EPHB1: variants seen among roughly 807,000 people sequenced by gnomAD.
The protein encoded by EPHB1 is ephrin type-B receptor 1.
Under a neutral mutation model 94.4 loss-of-function variants are expected in EPHB1, and 30 were observed. The ratio of observed to expected loss-of-function variants is 0.32; its 90% CI spans 0.24 to 0.43. EPHB1 has a LOEUF of 0.43. Ranked by LOEUF, EPHB1 falls within the 20% of genes least tolerant of loss-of-function variation. The pLI is 1.00. For missense variants in EPHB1, 1,055 were observed against 1,308.3 expected, an observed-to-expected ratio of 0.81 and a Z score of 2.99; for synonymous variants, 522 against 489.1, an observed-to-expected ratio of 1.07 and a Z score of -0.89.
rs917131824 is a variant in EPHB1, at chr3:135,214,594, G to A, written c.2346+12905G>A. Among the ~76,000 whole-genome samples the A allele has an allele frequency of 1.1e-4, 17 of 152,290 alleles. 1 individual carries two copies. The South Asian group carries it at 1.7e-3, about 15-fold the overall frequency. On this transcript the variant is annotated intron_variant, in intron 12 of 15. Transcript: ENST00000398015. ...CGAATTTCAGTCATCCCAGGTCATG[G>A]TGTAGGCAGCACCCTCATCTCACCA...
At chr3:135,113,601 A>T (rs185634940) in intron 4 of EPHB1, among the ~76,000 whole-genome samples, 1 of 152,100 alleles carries the variant, frequency 6.6e-6, no homozygotes, top group African/African-American at 2.4e-5. Context: ...GGGCAGCGTC[A>T]CTCCATTGCC....
chr3:134,968,280 A>T (rs1259703084), intron 3 of EPHB1, among the ~76,000 whole-genome samples: 1 of 152,214 alleles, frequency 6.6e-6, no homozygotes, highest in Non-Finnish European at 1.5e-5. Flanking sequence ...ATGGATGTTG[A>T]TGTCAACATT....
chr3:134,888,878 T>C (rs2037911109), intron 1 of EPHB1, among the ~76,000 whole-genome samples: 1 of 151,936 alleles, frequency 6.6e-6, no homozygotes, highest in Admixed American at 6.6e-5. Flanking sequence ...CAATCTCTGC[T>C]CTCCTGGAGC....
At chr3:135,125,603 T>G (rs527737865) in intron 4 of EPHB1, among the ~76,000 whole-genome samples, 4 of 152,234 alleles carry the variant, frequency 2.6e-5, no homozygotes, top group Admixed American at 6.5e-5. Flanking sequence ...AGGTTTGGTG[T>G]TGTTTTCTTT....
chr3:135,201,233 GAAAGA>G (rs1381515521), intron 11 of EPHB1, among the ~76,000 whole-genome samples: 1 of 151,960 alleles, frequency 6.6e-6, no homozygotes, highest in African/African-American at 2.4e-5. Context: ...AGTGGAGATG[GAAAGA>G]AGTGAATGGG....
At chr3:134,840,226 G>A (rs764537410) in intron 1 of EPHB1, among the ~76,000 whole-genome samples, 1 of 152,170 alleles carries the variant, frequency 6.6e-6, no homozygotes, top group Non-Finnish European at 1.5e-5. Flanking sequence ...GCCTGTAGTA[G>A]ACAATGTTAA....
At chr3:134,910,727 G>C (rs36213) in intron 1 of EPHB1, among the ~76,000 whole-genome samples, 97,660 of 152,072 alleles carry the variant, frequency 0.64, 33,825 homozygotes, top group African/African-American at 0.9. Context: ...TGGGCATCTT[G>C]CCATTGACCC....
chr3:135,069,599 G>T (rs1187766087), intron 3 of EPHB1, among the ~76,000 whole-genome samples: 1 of 152,104 alleles, frequency 6.6e-6, no homozygotes, highest in Non-Finnish European at 1.5e-5. Flanking sequence ...CCCAGGTTCT[G>T]GGGGTTTCAG....
rs138113703 is a variant in EPHB1, at chr3:135,155,013, G to T, written c.1422+737G>T. Among the ~76,000 whole-genome samples the T allele has an allele frequency of 2.3e-4, 35 of 152,266 alleles. No homozygotes were observed. The East Asian group carries it at 6.8e-3, about 29-fold the overall frequency. On this transcript the variant is annotated intron_variant, in intron 6 of 15. Transcript: ENST00000398015. Reference sequence around the variant, plus strand: ...AACCACATTATTCATTCACTTATTTGTTCAGTAAGTATTGTCAACTATTTG... The same window carrying T: ...AACCACATTATTCATTCACTTATTTTTTCAGTAAGTATTGTCAACTATTTG...
rs79768146 is a variant in EPHB1 at position 135,134,286 on chromosome 3, C to T, written c.1297+1237C>T. 4.6e-5 allele frequency among the ~76,000 whole-genome samples: 7 copies of T among 152,332 alleles called. No homozygotes were observed. The South Asian group carries it at 1.5e-3, about 32-fold the overall frequency. On this transcript the variant is annotated intron_variant, in intron 5 of 15. Coordinates refer to ENST00000398015, the MANE Select transcript of EPHB1 (RefSeq NM_004441.5). ...TCTCTCTTCCTCTGTGTATCTCCCCCTCCCTGACCTCCTCTTTTCTACTCC... is the reference window on the plus strand; with the variant it reads ...TCTCTCTTCCTCTGTGTATCTCCCCTTCCCTGACCTCCTCTTTTCTACTCC...
At position 135,211,059 on chromosome 3, in the gene EPHB1, C is replaced by CT. The variant is rs1943021329; in HGVS notation, c.2346+9376dup. 1.3e-5 allele frequency among the ~76,000 whole-genome samples: 2 copies of CT among 152,178 alleles called. 1 individual carries two copies. Among genetic ancestry groups the CT allele is most frequent in the Admixed American group, 1.3e-4 (2 of 15,278 alleles). On this transcript the variant is annotated intron_variant, in intron 12 of 15. Coordinates refer to ENST00000398015, the MANE Select transcript of EPHB1 (RefSeq NM_004441.5). Reference sequence around the variant, plus strand: ...TTTCAGCTTTACTTCTTTGCATTTACTTTTTTCATAGTTACTCTAGAACTA... The same window carrying CT: ...TTTCAGCTTTACTTCTTTGCATTTACTTTTTTTCATAGTTACTCTAGAACTA...
intron 1 of EPHB1, among the ~76,000 whole-genome samples, chr3:134,837,230 A>T (rs967566616): frequency 3.3e-5 from 5 of 152,246 alleles, no homozygotes; most frequent in Non-Finnish European, 5.9e-5. Context: ...ATATTAAAAT[A>T]ATCTAATCTT....
rs148953130 is a variant in EPHB1 at position 135,231,789 on chromosome 3, G to A, written c.2347-9359G>A. ...TTCTCCCAGCTCTCTTCTCTGTTATGTGTGCCATTTGCATGACAAACGAGA... is the reference window on the plus strand; with the variant it reads ...TTCTCCCAGCTCTCTTCTCTGTTATATGTGCCATTTGCATGACAAACGAGA... On this transcript the variant is annotated intron_variant, in intron 12 of 15. Coordinates refer to ENST00000398015, the MANE Select transcript of EPHB1 (RefSeq NM_004441.5). Among the ~76,000 whole-genome samples, 189 of 152,270 alleles carry A rather than the reference G, an allele frequency of 1.2e-3. 1 individual carries two copies. The highest frequency in any genetic ancestry group is 4.4e-3 in the African/African-American group (182 of 41,550).
intron 3 of EPHB1, among the ~76,000 whole-genome samples, chr3:134,991,270 ATC>A (rs946607439): frequency 9.2e-5 from 14 of 152,078 alleles, no homozygotes; most frequent in Non-Finnish European, 1.3e-4. Context: ...TATGTCTCCT[ATC>A]TCCCTTTCTG....
At chr3:135,171,594 G>A (rs1941802026) in intron 9 of EPHB1, among the ~76,000 whole-genome samples, 2 of 152,114 alleles carry the variant, frequency 1.3e-5, no homozygotes, top group Admixed American at 6.5e-5. Flanking sequence ...GATAAATCTG[G>A]AATCTCATGT....
intron 12 of EPHB1, among the ~76,000 whole-genome samples, chr3:135,207,346 T>C (rs115012700): frequency 0.074 from 11,269 of 152,280 alleles, 482 homozygotes; most frequent in South Asian, 0.15. Flanking sequence ...AAAAATTATT[T>C]TTGATTATTA....
intron 11 of EPHB1, among the ~76,000 whole-genome samples, 169 bp downstream of exon 11, chr3:135,192,992 G>A (rs900863583): frequency 1.3e-5 from 2 of 152,180 alleles, no homozygotes; most frequent in African/African-American, 2.4e-5. Context: ...ACAAAACAGG[G>A]CTTGTGGGAT....
chr3:134,940,835 C>T (rs558068250), intron 2 of EPHB1, among the ~76,000 whole-genome samples: 2 of 152,334 alleles, frequency 1.3e-5, no homozygotes, highest in South Asian at 4.1e-4. Flanking sequence ...GATTTTGTCT[C>T]TCATTTACTG....
rs543035039 is a variant in EPHB1, at chr3:135,038,960, G to A, written c.806-67488G>A. ...GCCTGTTTTGTCACGGCGCTGATTGGTGCGTTTACAATCCCTGAGCTAGAT... is the reference window on the plus strand; with the variant it reads ...GCCTGTTTTGTCACGGCGCTGATTGATGCGTTTACAATCCCTGAGCTAGAT... On this transcript the variant is annotated intron_variant, in intron 3 of 15. Coordinates refer to ENST00000398015, the MANE Select transcript of EPHB1 (RefSeq NM_004441.5). 5.9e-5 allele frequency among the ~76,000 whole-genome samples: 9 copies of A among 152,256 alleles called. No homozygotes were observed. In the South Asian group the frequency reaches 1.9e-3, roughly 32 times the overall value.
Sources: gnomAD v4.1 joint callset for allele counts (sites outside exome capture counted in the v4.1 genomes callset) on GRCh38, gnomAD v4.1.1 for gene constraint, MANE v1.5 for transcripts, NCBI Gene and HGNC (gene_info 2026-07-23, HGNC 2026-07-21) for gene names.